Variants in SCN3A observed in about 807,000 individuals in gnomAD.
The protein encoded by SCN3A is sodium voltage-gated channel alpha subunit 3.
SCN3A carries 60 observed loss-of-function variants against 187.6 expected under a neutral mutation model. That is an observed-to-expected ratio of 0.32 (90% CI 0.26 to 0.40). The LOEUF (loss-of-function observed/expected upper bound fraction) is 0.40. Ranked by LOEUF, SCN3A falls within the 10% of genes least tolerant of loss-of-function variation. The pLI is 1.00. For synonymous variants in SCN3A, 788 were observed against 829.2 expected, an observed-to-expected ratio of 0.95 and a Z score of 0.85; for missense variants, 1,601 against 2,428.2, an observed-to-expected ratio of 0.66 and a Z score of 7.16.
Position 165,092,736 on chromosome 2 carries a change from G to T in SCN3A, c.4537-212C>A, listed in dbSNP as rs1012777179. The T allele has an allele frequency of 7.3e-6, 4 of 548,358 alleles. No homozygotes were observed. The highest frequency in any genetic ancestry group is 5.7e-5 in the African/African-American group (3 of 52,724). 34.0% of individuals were successfully genotyped at this position (548,358 alleles called of 1,614,324 possible). A position where few individuals can be genotyped will look rare whatever the true frequency, so the allele number is the denominator to read the frequency against. On this transcript the variant is annotated intron_variant, in intron 26 of 27. Transcript: ENST00000283254. The surrounding 1 kb of genome is among the most constrained non-coding windows in gnomAD (Gnocchi z 4.2). ...AACAAAGCATATTTGGTTTATATAG[G>T]TCCTATGGAAAGACAAAGCTGGATG...
intron 12 of SCN3A, among the ~76,000 whole-genome samples, chr2:165,141,681 C>G (rs1574202537): frequency 6.6e-6 from 1 of 152,222 alleles, no homozygotes; most frequent in East Asian, 1.9e-4. Flanking sequence ...AATGATTCAC[C>G]TTATTTGAGA....
At chr2:165,186,099 G>A (rs933142206) in intron 2 of SCN3A, among the ~76,000 whole-genome samples, 5 of 151,902 alleles carry the variant, frequency 3.3e-5, no homozygotes, top group South Asian at 2.1e-4. Flanking sequence ...ATGAAACCTC[G>A]TCTCTACTAA....
At chr2:165,186,470 T>C (rs1691248744) in intron 2 of SCN3A, 81 bp downstream of exon 2, 1 of 152,226 alleles carries the variant, frequency 6.6e-6, no homozygotes, top group South Asian at 2.1e-4. Flanking sequence ...TTGGTCCTGA[T>C]ACAGCTGTCC....
intron 15 of SCN3A, 79 bp from the exon 16 acceptor site, chr2:165,131,496 A>G (rs1687314392): frequency 1.0e-6 from 1 of 962,652 alleles, no homozygotes. Context: ...AAGAACATTA[A>G]CAGGAATAAA....
At chr2:165,128,629 C>T (rs1687138766) in intron 17 of SCN3A, among the ~76,000 whole-genome samples, 1 of 152,168 alleles carries the variant, frequency 6.6e-6, no homozygotes, top group South Asian at 2.1e-4. Context: ...ACTTTTATAA[C>T]AGCAGAAATT....
rs200430551 is a variant in SCN3A, at chr2:165,130,210, G to A, written c.2652C>T (p.Asn884=). Residue 884 remains asparagine, a synonymous_variant, in exon 17 of 28, where the codon AAC becomes AAT. Transcript: ENST00000283254. The part of the protein sequence containing the change: ...IIGNSVGALG[N]LTLVLAIIVF... ...CGATGATGGCCAACACCAAGGTGAG[G>A]TTTCCTAGAGCCCCCACAGAATTGC... 1.2e-5 allele frequency: 19 copies of A among 1,614,144 alleles called. No homozygotes were observed. In the East Asian group the frequency reaches 3.8e-4, roughly 32 times the overall value.
chr2:165,203,504 A>G (rs1692446969), intron 1 of SCN3A, among the ~76,000 whole-genome samples: 1 of 152,116 alleles, frequency 6.6e-6, no homozygotes, highest in Non-Finnish European at 1.5e-5. Context: ...ACATACAGCC[A>G]GGAAACTCAT....
chr2:165,133,901 T>A (rs1687506656), intron 15 of SCN3A, among the ~76,000 whole-genome samples: 1 of 152,184 alleles, frequency 6.6e-6, no homozygotes, highest in South Asian at 2.1e-4. Flanking sequence ...TGAAAGTTAT[T>A]AAAAATTGAT....
At chr2:165,102,978 A>G (rs1044073436) in intron 21 of SCN3A, among the ~76,000 whole-genome samples, 1 of 152,248 alleles carries the variant, frequency 6.6e-6, no homozygotes, top group African/African-American at 2.4e-5. Flanking sequence ...TGATTTTTCC[A>G]CGCAAATTAC....
intron 17 of SCN3A, among the ~76,000 whole-genome samples, chr2:165,129,364 T>C (rs1419429285): frequency 6.6e-6 from 1 of 152,230 alleles, no homozygotes; most frequent in East Asian, 1.9e-4. Context: ...GGTTTTCCTA[T>C]AGTAATGCAA....
intron 2 of SCN3A, among the ~76,000 whole-genome samples, chr2:165,182,846 C>T (rs931121128): frequency 6.6e-6 from 1 of 151,918 alleles, no homozygotes; most frequent in Admixed American, 6.6e-5. Flanking sequence ...GGCATGGTGG[C>T]TCATGACTGT....
intron 22 of SCN3A, among the ~76,000 whole-genome samples, chr2:165,098,311 G>A (rs756042799): frequency 6.6e-6 from 1 of 152,054 alleles, no homozygotes; most frequent in Non-Finnish European, 1.5e-5. Flanking sequence ...GTCTAATCTA[G>A]TTCATATTGG....
chr2:165,154,083 T>C (rs1688866183), intron 11 of SCN3A, among the ~76,000 whole-genome samples: 1 of 143,380 alleles, frequency 7.0e-6, no homozygotes, highest in Non-Finnish European at 1.5e-5. Context: ...ATCAATTAAC[T>C]TCAGAACAAA....
chr2:165,152,890 T>G (rs990093930), intron 11 of SCN3A, among the ~76,000 whole-genome samples: 1 of 151,642 alleles, frequency 6.6e-6, no homozygotes, highest in Admixed American at 6.6e-5. Flanking sequence ...CTGCATGTTG[T>G]GCACATGTAC....
chr2:165,154,058 T>C (rs567691704), intron 11 of SCN3A, among the ~76,000 whole-genome samples: 52 of 141,156 alleles, frequency 3.7e-4, no homozygotes, highest in African/African-American at 1.3e-3. Context: ...ATAAAGTCTC[T>C]TGTCAACCTT....
At chr2:165,114,766 G>A (rs981909263) in intron 19 of SCN3A, among the ~76,000 whole-genome samples, 3 of 152,190 alleles carry the variant, frequency 2.0e-5, no homozygotes, top group Non-Finnish European at 2.9e-5. Flanking sequence ...TGTAATTACT[G>A]TAGCATCTAT....
At chr2:165,199,935 A>G (rs1692209610) in intron 1 of SCN3A, among the ~76,000 whole-genome samples, 1 of 152,094 alleles carries the variant, frequency 6.6e-6, no homozygotes, top group Non-Finnish European at 1.5e-5. Context: ...GAACTAAAAC[A>G]GTAGCTTCTC....
intron 1 of SCN3A, among the ~76,000 whole-genome samples, chr2:165,188,759 G>T (rs970831066): frequency 7.1e-6 from 1 of 140,346 alleles, no homozygotes; most frequent in African/African-American, 2.8e-5. Flanking sequence ...TCACGCCACT[G>T]CACTCCAGCC....
chr2:165,178,142 G>GT (rs939280116), intron 2 of SCN3A, among the ~76,000 whole-genome samples: 2 of 151,946 alleles, frequency 1.3e-5, no homozygotes, highest in African/African-American at 2.4e-5. Flanking sequence ...GTGTGTGGGG[G>GT]TTTTTTTGCT....
Sources: gnomAD v4.1 joint callset for allele counts (sites outside exome capture counted in the v4.1 genomes callset) on GRCh38, gnomAD v4.1.1 for gene constraint, Gnocchi (gnomAD v3.1) non-coding constraint, MANE v1.5 for transcripts, NCBI Gene and HGNC (gene_info 2026-07-23, HGNC 2026-07-21) for gene names.